The following WSB2 variants were observed in gnomAD, a reference collection of about 807,000 sequenced individuals.
WSB2 encodes WD repeat and SOCS box containing 2, also known as WD repeat and SOCS box-containing protein 2.
In WSB2, 12 loss-of-function variants were observed where a neutral mutation model predicts 48.8. That is an observed-to-expected ratio of 0.25 (90% CI 0.16 to 0.40). The LOEUF (loss-of-function observed/expected upper bound fraction) is 0.40. WSB2 is among the 10% of genes least tolerant of loss of function. WSB2 has a pLI of 1.00. For missense variants in WSB2, 317 were observed against 506.2 expected (o/e 0.63, Z 3.59); for synonymous variants, 191 against 203.1 (o/e 0.94, Z 0.51).
chr12:118,039,949 TTGGCTAGGC>T (rs1354422354), intron 4 of WSB2, among the ~76,000 whole-genome samples: 1 of 152,062 alleles, frequency 6.6e-6, no homozygotes, highest in Admixed American at 6.6e-5. Flanking sequence ...TTTCACCATG[TTGGCTAGGC>T]TGGTCTCGAA....
chr12:118,052,887 A>G lies in WSB2; in HGVS notation c.14-409T>C, dbSNP rs529444458. The stretch of plus-strand genomic sequence containing the variant: ...AGAACCTGCTGCTGTCAAAGAAGGA[A>G]TATGTGAAACTCAAAGGCTCCCTCT... On this transcript the variant is annotated intron_variant, in intron 1 of 8. Transcript: ENST00000315436. Among the ~76,000 whole-genome samples the G allele has an allele frequency of 2.6e-5, 4 of 152,258 alleles. No individual in the cohort carries two copies. In the South Asian group the frequency reaches 8.3e-4, roughly 32 times the overall value.
Position 118,043,397 on chromosome 12 carries a change from C to T in WSB2, c.183-20G>A, listed in dbSNP as rs1265908547. 1 of 1,523,806 alleles carries T rather than the reference C, an allele frequency of 6.6e-7. No individual in the cohort carries two copies. Among genetic ancestry groups the T allele is most frequent in the Non-Finnish European group, 8.8e-7 (1 of 1,139,078 alleles). The allele number at this position is 1,523,806 out of a possible 1,614,324, so 94.4% of individuals were successfully genotyped here. A position where few individuals can be genotyped will look rare whatever the true frequency, so the allele number is the denominator to read the frequency against. On this transcript the variant is annotated intron_variant, in intron 2 of 8. Transcript: ENST00000315436. Reference sequence around the variant, plus strand: ...GGGATGCTGGGAGAAGCAGAGATTTCTTAATGAATCTGCAATTGTTACCAG... The same window carrying T: ...GGGATGCTGGGAGAAGCAGAGATTTTTTAATGAATCTGCAATTGTTACCAG...
In WSB2 at chr12:118,036,561, C is replaced by T; in HGVS notation, c.661-51G>A. 5 of 1,541,032 alleles carry T rather than the reference C, an allele frequency of 3.2e-6. No homozygotes were observed. The South Asian group carries it at 5.0e-5, about 15-fold the overall frequency. ...TAGGGCAGAAGCAAAGTGCTTAGGACTCAAACGGAGGGAGGGAAAGGTACC... is the reference window on the plus strand; with the variant it reads ...TAGGGCAGAAGCAAAGTGCTTAGGATTCAAACGGAGGGAGGGAAAGGTACC... On this transcript the variant is annotated intron_variant, in intron 5 of 8. Coordinates refer to ENST00000315436, the MANE Select transcript of WSB2 (RefSeq NM_018639.5).
Position 118,034,116 on chromosome 12 carries a change from A to T in WSB2, c.*80T>A. The T allele has an allele frequency of 6.4e-7, 1 of 1,558,434 alleles. No homozygotes were observed. Among genetic ancestry groups the T allele is most frequent in the Non-Finnish European group, 8.8e-7 (1 of 1,135,516 alleles). On this transcript the variant is annotated 3_prime_UTR_variant, in exon 9 of 9. Coordinates refer to ENST00000315436, the MANE Select transcript of WSB2 (RefSeq NM_018639.5). ...AAATGCTATTTCAATGCAAGACCAG[A>T]TGTTTGGCCCATTATTCCAGCAACT...
At position 118,033,819 on chromosome 12, in the gene WSB2, G is replaced by A. The variant is rs1158420119; in HGVS notation, c.*377C>T. The A allele has an allele frequency of 4.2e-6, 1 of 236,088 alleles. No individual in the cohort carries two copies. Among genetic ancestry groups the A allele is most frequent in the African/African-American group, 2.3e-5 (1 of 44,090 alleles). 14.6% of individuals were successfully genotyped at this position (236,088 alleles called of 1,614,324 possible). A position where few individuals can be genotyped will look rare whatever the true frequency, so the allele number is the denominator to read the frequency against. Reference sequence around the variant, plus strand: ...GCAGAAGCCATCGTTCCCAGCGGAGGGAGTGTGAGCTGCTCTGCCACTAGA... The same window carrying A: ...GCAGAAGCCATCGTTCCCAGCGGAGAGAGTGTGAGCTGCTCTGCCACTAGA... On this transcript the variant is annotated 3_prime_UTR_variant, in exon 9 of 9. Transcript: ENST00000315436.
At chr12:118,037,394 CG>C (rs2137765136) in intron 5 of WSB2, among the ~76,000 whole-genome samples, 1 of 152,080 alleles carries the variant, frequency 6.6e-6, no homozygotes, top group African/African-American at 2.4e-5. Flanking sequence ...AGGCCAGGCG[CG>C]GTGGCTCACG....
chr12:118,054,053 G>A (rs574040421), intron 1 of WSB2, among the ~76,000 whole-genome samples: 3 of 151,904 alleles, frequency 2.0e-5, no homozygotes, highest in South Asian at 4.2e-4. Flanking sequence ...TAAAACAGAT[G>A]GTAGAGATGC....
In WSB2 at chr12:118,034,981, C is replaced by T; in HGVS notation, c.1052+5G>A. ...CACCCATCTGTTCAGCTAACAAATA[C>T]ATACCCTGTGGCAATGACTCCACCA... On this transcript the variant is annotated splice_donor_5th_base_variant and intron_variant, in intron 8 of 8. Coordinates refer to ENST00000315436, the MANE Select transcript of WSB2 (RefSeq NM_018639.5). 6.2e-7 allele frequency: 1 copy of T among 1,613,932 alleles called. No homozygotes were observed.
Position 118,034,194 on chromosome 12 carries a change from G to A in WSB2, c.*2C>T, listed in dbSNP as rs781357348. On this transcript the variant is annotated 3_prime_UTR_variant, in exon 9 of 9. Coordinates refer to ENST00000315436, the MANE Select transcript of WSB2 (RefSeq NM_018639.5). ...ACAAAGAAGCACAAGATGTGGTGTT[G>A]CTTAAAAAGTCCTGTATGTGAGGAA... 6.2e-7 allele frequency: 1 copy of A among 1,614,040 alleles called. No homozygotes were observed.
chr12:118,036,721 CAAG>C (rs929268696), intron 5 of WSB2, among the ~76,000 whole-genome samples: 5 of 152,136 alleles, frequency 3.3e-5, no homozygotes, highest in Admixed American at 2.0e-4. Context: ...TGGGCATGCT[CAAG>C]GAGCTCACTA....
Position 118,055,607 on chromosome 12 carries a change from C to CTTTTTT in WSB2, c.14-3135_14-3130dup, listed in dbSNP as rs748354611. 3.6e-3 allele frequency among the ~76,000 whole-genome samples: 293 copies of CTTTTTT among 81,686 alleles called. 1 individual carries two copies. The highest frequency in any genetic ancestry group is 4.3e-3 in the East Asian group (9 of 2,084). The allele number at this position is 81,686 out of a possible 152,430, so 53.6% of individuals were successfully genotyped here. A position where few individuals can be genotyped will look rare whatever the true frequency, so the allele number is the denominator to read the frequency against. On this transcript the variant is annotated intron_variant, in intron 1 of 8. Coordinates refer to ENST00000315436, the MANE Select transcript of WSB2 (RefSeq NM_018639.5). ...ATTGGTTCACTTCCTCTACATTATC[C>CTTTTTT]TTTTTTTTTTTTTTTTTTTTTTTTT...
intron 5 of WSB2, 54 bp from the exon 6 acceptor site, chr12:118,036,564 A>G: frequency 6.5e-7 from 1 of 1,527,694 alleles, no homozygotes; most frequent in Non-Finnish European, 8.8e-7. Context: ...CTTAGGACTC[A>G]AACGGAGGGA....
At chr12:118,050,579 C>T (rs1383280526) in intron 2 of WSB2, among the ~76,000 whole-genome samples, 1 of 152,016 alleles carries the variant, frequency 6.6e-6, no homozygotes, top group Non-Finnish European at 1.5e-5. Context: ...GTTGAGGCTG[C>T]AGTGAGCCGT....
rs1283721982 is a variant in WSB2, at chr12:118,035,113, A to G, written c.945-20T>C. 6.2e-7 allele frequency: 1 copy of G among 1,613,698 alleles called. No individual in the cohort carries two copies. Among genetic ancestry groups the G allele is most frequent in the African/African-American group, 1.3e-5 (1 of 74,920 alleles). ...AGGAGTCTGGATGGGGAGAGAGAAC[A>G]TCTGGATATTAGCTGACCCAGGGCC... On this transcript the variant is annotated intron_variant, in intron 7 of 8. Coordinates refer to ENST00000315436, the MANE Select transcript of WSB2 (RefSeq NM_018639.5).
intron 1 of WSB2, among the ~76,000 whole-genome samples, chr12:118,054,642 A>G (rs573467807): frequency 6.6e-6 from 1 of 151,792 alleles, no homozygotes; most frequent in Non-Finnish European, 1.5e-5. Flanking sequence ...GTGTCATTGC[A>G]CTCCAGCCTG....
rs1047277710 is a variant in WSB2, at chr12:118,054,474, C to T, written c.14-1996G>A. Among the ~76,000 whole-genome samples, 9 of 151,954 alleles carry T rather than the reference C, an allele frequency of 5.9e-5. No individual in the cohort carries two copies. In the East Asian group the frequency reaches 1.7e-3, roughly 29 times the overall value. ...TCACCTGAGGTCGGGAGTTCGAGACCAGCCTGACCAACATGGAGAAACCCC... is the reference window on the plus strand; with the variant it reads ...TCACCTGAGGTCGGGAGTTCGAGACTAGCCTGACCAACATGGAGAAACCCC... On this transcript the variant is annotated intron_variant, in intron 1 of 8. Coordinates refer to ENST00000315436, the MANE Select transcript of WSB2 (RefSeq NM_018639.5).
rs1384016444 is a variant in WSB2, at chr12:118,032,824, T to C, written c.*1372A>G. Reference sequence around the variant, plus strand: ...TCCCAAAGTGCTGGGATTACAGGCATGTGCCGTCACACCCAGCCCTGCTTG... The same window carrying C: ...TCCCAAAGTGCTGGGATTACAGGCACGTGCCGTCACACCCAGCCCTGCTTG... On this transcript the variant is annotated 3_prime_UTR_variant, in exon 9 of 9. Coordinates refer to ENST00000315436, the MANE Select transcript of WSB2 (RefSeq NM_018639.5). 1 of 152,252 alleles carries C rather than the reference T, an allele frequency of 6.6e-6. No individual in the cohort carries two copies. Among genetic ancestry groups the C allele is most frequent in the Non-Finnish European group, 1.5e-5 (1 of 68,054 alleles). The allele number at this position is 152,252 out of a possible 1,614,324, so 9.4% of individuals were successfully genotyped here. A position where few individuals can be genotyped will look rare whatever the true frequency, so the allele number is the denominator to read the frequency against.
At chr12:118,050,206 C>T (rs1023895620) in intron 2 of WSB2, among the ~76,000 whole-genome samples, 1 of 151,760 alleles carries the variant, frequency 6.6e-6, no homozygotes, top group Non-Finnish European at 1.5e-5. Flanking sequence ...AAAGAAACTA[C>T]GCAACCAAGG....
chr12:118,054,916 C>T (rs1035611389), intron 1 of WSB2, among the ~76,000 whole-genome samples: 8 of 150,124 alleles, frequency 5.3e-5, no homozygotes, highest in African/African-American at 1.2e-4. Context: ...CGGTGGCTCA[C>T]GCCTATAATC....
Sources: gnomAD v4.1 joint callset for allele counts (sites outside exome capture counted in the v4.1 genomes callset) on GRCh38, gnomAD v4.1.1 for gene constraint, MANE v1.5 for transcripts, NCBI Gene and HGNC (gene_info 2026-07-23, HGNC 2026-07-21) for gene names.